GALNT18: variants seen among roughly 807,000 people sequenced by gnomAD.
GALNT18 encodes the protein polypeptide N-acetylgalactosaminyltransferase 18, also known as GalNAc-transferase 18.
A neutral mutation model predicts 69.5 loss-of-function variants in GALNT18; 44 were observed. The observed-to-expected ratio is 0.63, with a 90% confidence interval of 0.50 to 0.81. GALNT18 has a LOEUF of 0.81. Among genes scored for constraint, GALNT18 ranks in the 40% least tolerant of loss-of-function variants. The probability of loss-of-function intolerance (pLI) is 0.00; values close to 1 mark genes in which losing one functional copy is unlikely to be tolerated. For missense variants in GALNT18, 715 were observed against 810.0 expected (o/e 0.88, Z 1.42); for synonymous variants, 364 against 318.2 (o/e 1.14, Z -1.53).
intron 3 of GALNT18, among the ~76,000 whole-genome samples, chr11:11,424,123 C>G (rs1309069205): frequency 6.6e-6 from 1 of 152,212 alleles, no homozygotes; most frequent in East Asian, 1.9e-4. Context: ...TGCCTGCTGC[C>G]CCCAACAAAG....
At position 11,307,223 on chromosome 11, in the gene GALNT18, T is replaced by C. The variant is rs61397391; in HGVS notation, c.1513-14030A>G. Among the ~76,000 whole-genome samples, 1,321 of 152,304 alleles carry C rather than the reference T, an allele frequency of 8.7e-3. 23 individuals are homozygous for C. The highest frequency in any genetic ancestry group is 0.03 in the African/African-American group (1,237 of 41,558). On this transcript the variant is annotated intron_variant, in intron 9 of 10. Coordinates refer to ENST00000227756, the MANE Select transcript of GALNT18 (RefSeq NM_198516.3). ...CCAAATTTTGGGGTAGTTTGTTATA[T>C]GGTAAATTGTTCTGATATGGGTACC...
At chr11:11,418,334 G>C (rs1041129720) in intron 3 of GALNT18, among the ~76,000 whole-genome samples, 3 of 152,340 alleles carry the variant, frequency 2.0e-5, no homozygotes, top group Non-Finnish European at 4.4e-5. Flanking sequence ...AAAAATTAAA[G>C]AAGCCATGTG....
At chr11:11,352,617 T>G (rs1850436570) in intron 6 of GALNT18, 1 of 1,614,186 alleles carries the variant, frequency 6.2e-7, no homozygotes, top group Non-Finnish European at 8.5e-7. Context: ...TAGCTTTCTG[T>G]GCTCATGATC....
At position 11,621,650 on chromosome 11, in the gene GALNT18, G is replaced by A. The variant is rs1287775696; in HGVS notation, c.-57C>T. The A allele has an allele frequency of 1.5e-6, 2 of 1,332,856 alleles. No individual in the cohort carries two copies. The highest frequency in any genetic ancestry group is 2.1e-6 in the Non-Finnish European group (2 of 956,982). The allele number at this position is 1,332,856 out of a possible 1,614,324, so 82.6% of individuals were successfully genotyped here. On this transcript the variant is annotated 5_prime_UTR_variant, in exon 1 of 11. Coordinates refer to ENST00000227756, the MANE Select transcript of GALNT18 (RefSeq NM_198516.3). This position sits in a 1 kb window ranked among gnomAD's most constrained non-coding sequence, Gnocchi z 9.3. The stretch of plus-strand genomic sequence containing the variant: ...GGGGCCCTTCCTTGTCGTGCGCCCC[G>A]AACTCCCCCGCGCTCGCACCCCGTA...
At chr11:11,551,550 G>C (rs1166363806) in intron 1 of GALNT18, among the ~76,000 whole-genome samples, 1 of 152,194 alleles carries the variant, frequency 6.6e-6, no homozygotes, top group African/African-American at 2.4e-5. Flanking sequence ...TCAGACTGGG[G>C]GGCTGTGATA....
intron 1 of GALNT18, among the ~76,000 whole-genome samples, chr11:11,570,787 C>T (rs1291218528): frequency 3.3e-5 from 5 of 152,204 alleles, no homozygotes; most frequent in African/African-American, 7.2e-5. Context: ...ATCCCCAGCA[C>T]GAGCAGAGTC....
intron 2 of GALNT18, among the ~76,000 whole-genome samples, chr11:11,437,890 G>A (rs537261002): frequency 6.6e-6 from 1 of 152,234 alleles, no homozygotes; most frequent in East Asian, 1.9e-4. Context: ...GTGGAGGTGG[G>A]GCCCACCTGA....
rs1490388204 is a variant in GALNT18, at chr11:11,546,210, T to C, written c.235+75149A>G. ...CTTGAGCCACATCATAGTTGGAAGATAGGGTACACAGGGAGGAGACCCAAC... is the reference window on the plus strand; with the variant it reads ...CTTGAGCCACATCATAGTTGGAAGACAGGGTACACAGGGAGGAGACCCAAC... On this transcript the variant is annotated intron_variant, in intron 1 of 10. Coordinates refer to ENST00000227756, the MANE Select transcript of GALNT18 (RefSeq NM_198516.3). This position sits in a 1 kb window ranked among gnomAD's most constrained non-coding sequence, Gnocchi z 5.8. Among the ~76,000 whole-genome samples, 2 of 152,076 alleles carry C rather than the reference T, an allele frequency of 1.3e-5. No individual in the cohort carries two copies. Among genetic ancestry groups the C allele is most frequent in the Non-Finnish European group, 1.5e-5 (1 of 68,012 alleles).
At chr11:11,599,325 G>T (rs1022126627) in intron 1 of GALNT18, among the ~76,000 whole-genome samples, 2 of 151,986 alleles carry the variant, frequency 1.3e-5, no homozygotes, top group African/African-American at 4.8e-5. Flanking sequence ...CTTATGGATT[G>T]ATCCTTTTAT....
rs548707039 is a variant in GALNT18, at chr11:11,322,688, G to T, written c.1512+4398C>A. Among the ~76,000 whole-genome samples, 12 of 152,334 alleles carry T rather than the reference G, an allele frequency of 7.9e-5. 1 individual carries two copies. The East Asian group carries it at 2.1e-3, about 27-fold the overall frequency. On this transcript the variant is annotated intron_variant, in intron 9 of 10. Coordinates refer to ENST00000227756, the MANE Select transcript of GALNT18 (RefSeq NM_198516.3). ...AGAGCAACTAGAACTCTAATATAAAGCTGGGAGAAGTAAAAATTGGTACAA... is the reference window on the plus strand; with the variant it reads ...AGAGCAACTAGAACTCTAATATAAATCTGGGAGAAGTAAAAATTGGTACAA...
In GALNT18 at chr11:11,314,851, C is replaced by T. The variant is rs1849724500; in HGVS notation, c.1512+12235G>A. Among the ~76,000 whole-genome samples, 1 of 152,172 alleles carries T rather than the reference C, an allele frequency of 6.6e-6. No individual in the cohort carries two copies. The highest frequency in any genetic ancestry group is 1.5e-5 in the Non-Finnish European group (1 of 68,036). ...TCGCCGTGGGAGCAGTTGCTCCTGG[C>T]TGTGACATAGTAAAACCTACAATCA... On this transcript the variant is annotated intron_variant, in intron 9 of 10. Transcript: ENST00000227756. This position sits in a 1 kb window ranked among gnomAD's most constrained non-coding sequence, Gnocchi z 5.2.
At chr11:11,293,691 A>G (rs1849348342) in intron 9 of GALNT18, among the ~76,000 whole-genome samples, 1 of 151,798 alleles carries the variant, frequency 6.6e-6, no homozygotes, top group Non-Finnish European at 1.5e-5. Context: ...ACAGATGCGC[A>G]CCACCATGCC....
rs1206146619 is a variant in GALNT18, at chr11:11,602,515, TG to T, written c.235+18843del. On this transcript the variant is annotated intron_variant, in intron 1 of 10. Coordinates refer to ENST00000227756, the MANE Select transcript of GALNT18 (RefSeq NM_198516.3). The surrounding 1 kb of genome is among the most constrained non-coding windows in gnomAD (Gnocchi z 4.7). ...GAGGAGAGCTTCTGTTTTATTGAGC[TG>T]GAATTGGGGGAGGAAGGGCAATTAT... Among the ~76,000 whole-genome samples, 1 of 152,158 alleles carries T rather than the reference TG, an allele frequency of 6.6e-6. No homozygotes were observed. Among genetic ancestry groups the T allele is most frequent in the Non-Finnish European group, 1.5e-5 (1 of 68,018 alleles).
Position 11,540,912 on chromosome 11 carries a change from A to G in GALNT18, c.235+80447T>C, listed in dbSNP as rs1404962273. 6.6e-6 allele frequency among the ~76,000 whole-genome samples: 1 copy of G among 152,216 alleles called. No homozygotes were observed. Among genetic ancestry groups the G allele is most frequent in the Non-Finnish European group, 1.5e-5 (1 of 68,032 alleles). Reference sequence around the variant, plus strand: ...GGAAAATGGGTTAGAAAATCCTCCCAGCCTATATTAACCCTGTAAACTGCA... The same window carrying G: ...GGAAAATGGGTTAGAAAATCCTCCCGGCCTATATTAACCCTGTAAACTGCA... On this transcript the variant is annotated intron_variant, in intron 1 of 10. Coordinates refer to ENST00000227756, the MANE Select transcript of GALNT18 (RefSeq NM_198516.3). This position sits in a 1 kb window ranked among gnomAD's most constrained non-coding sequence, Gnocchi z 4.6.
chr11:11,478,449 A>G (rs1856448704), intron 1 of GALNT18, among the ~76,000 whole-genome samples: 1 of 152,228 alleles, frequency 6.6e-6, no homozygotes, highest in South Asian at 2.1e-4. Context: ...GCAGGGGTTC[A>G]GCCCAGGAGC....
chr11:11,554,206 T>G (rs1053385933), intron 1 of GALNT18, among the ~76,000 whole-genome samples: 1 of 152,204 alleles, frequency 6.6e-6, no homozygotes, highest in Non-Finnish European at 1.5e-5. Context: ...TCTGGAGCCA[T>G]GGCTGTGACC....
At chr11:11,531,053 A>C (rs1326371583) in intron 1 of GALNT18, among the ~76,000 whole-genome samples, 1 of 152,126 alleles carries the variant, frequency 6.6e-6, no homozygotes, top group African/African-American at 2.4e-5. Flanking sequence ...CCCTGCCTGC[A>C]ATAGGCCTTT....
chr11:11,550,014 G>A (rs545497466), intron 1 of GALNT18, among the ~76,000 whole-genome samples: 12 of 152,228 alleles, frequency 7.9e-5, no homozygotes, highest in Non-Finnish European at 1.6e-4. Flanking sequence ...TTATACAGTG[G>A]CAGATGCCAT....
Position 11,461,913 on chromosome 11 carries a change from C to A in GALNT18, c.236-12977G>T, listed in dbSNP as rs190513012. Among the ~76,000 whole-genome samples, 7 of 152,304 alleles carry A rather than the reference C, an allele frequency of 4.6e-5. No homozygotes were observed. In the East Asian group the frequency reaches 1.4e-3, roughly 29 times the overall value. ...ATGAAGCTGCAAAAATCATATGTACCTTTCATCTGTAATATTACTCTATCA... is the reference window on the plus strand; with the variant it reads ...ATGAAGCTGCAAAAATCATATGTACATTTCATCTGTAATATTACTCTATCA... On this transcript the variant is annotated intron_variant, in intron 1 of 10. Transcript: ENST00000227756. This position sits in a 1 kb window ranked among gnomAD's most constrained non-coding sequence, Gnocchi z 4.1.
Sources: allele counts gnomAD v4.1 joint callset (sites outside exome capture counted in the v4.1 genomes callset), GRCh38; gene constraint gnomAD v4.1.1; non-coding constraint Gnocchi (gnomAD v3.1); transcripts MANE v1.5; gene names NCBI Gene and HGNC (gene_info 2026-07-23, HGNC 2026-07-21).